Variants in PTPRN2 observed in about 807,000 individuals in gnomAD.
PTPRN2 encodes receptor-type tyrosine-protein phosphatase N2.
In PTPRN2, 74 loss-of-function variants were observed where a neutral mutation model predicts 118.8. The observed-to-expected ratio is 0.62, with a 90% CI of 0.52 to 0.76. The LOEUF is 0.76. Ranked by LOEUF, PTPRN2 falls within the 30% of genes least tolerant of loss-of-function variation. PTPRN2 has a pLI of 0.00. For synonymous variants in PTPRN2, 641 were observed against 608.0 expected (o/e 1.05, Z -0.80); for missense variants, 1,481 against 1,394.4 (o/e 1.06, Z -0.99).
At position 157,893,138 on chromosome 7, in the gene PTPRN2, G is replaced by T. The variant is rs966246237; in HGVS notation, c.1788+5535C>A. 4.6e-5 allele frequency among the ~76,000 whole-genome samples: 7 copies of T among 152,384 alleles called. No individual in the cohort carries two copies. Among genetic ancestry groups the T allele is most frequent in the African/African-American group, 1.4e-4 (6 of 41,594 alleles). ...AGAAATGTCTGGAGAAGGCCAGGAA[G>T]ACAGGCAGGTCAGGGTGAATGAGCT... On this transcript the variant is annotated intron_variant, in intron 12 of 22. Coordinates refer to ENST00000389418, the MANE Select transcript of PTPRN2 (RefSeq NM_002847.5). This position sits in a 1 kb window ranked among gnomAD's most constrained non-coding sequence, Gnocchi z 4.0.
Position 158,546,603 on chromosome 7 carries a change from C to A in PTPRN2, c.112+40955G>T, listed in dbSNP as rs1947181471. Among the ~76,000 whole-genome samples, 1 of 152,166 alleles carries A rather than the reference C, an allele frequency of 6.6e-6. No individual in the cohort carries two copies. Among genetic ancestry groups the A allele is most frequent in the African/African-American group, 2.4e-5 (1 of 41,438 alleles). Reference sequence around the variant, plus strand: ...TCGCCTGTTGCCCTCCCAGGCCACACCTTGACGTGGGAGGCCACGGGACAG... The same window carrying A: ...TCGCCTGTTGCCCTCCCAGGCCACAACTTGACGTGGGAGGCCACGGGACAG... On this transcript the variant is annotated intron_variant, in intron 1 of 22. Coordinates refer to ENST00000389418, the MANE Select transcript of PTPRN2 (RefSeq NM_002847.5). The surrounding 1 kb of genome is among the most constrained non-coding windows in gnomAD (Gnocchi z 5.0).
chr7:157,561,506 G>T (rs760289335), intron 21 of PTPRN2, among the ~76,000 whole-genome samples: 46 of 152,356 alleles, frequency 3.0e-4, no homozygotes, highest in Non-Finnish European at 6.2e-4. Context: ...GGGGCCGTGT[G>T]CCTTCCACCA....
At chr7:157,778,443 A>G (rs1257864992) in intron 12 of PTPRN2, among the ~76,000 whole-genome samples, 1 of 151,986 alleles carries the variant, frequency 6.6e-6, no homozygotes, top group African/African-American at 2.4e-5. Flanking sequence ...CCACGTAAAC[A>G]TGTACACAGG....
rs1036304132 is a variant in PTPRN2, at chr7:158,003,555, G to A, written c.1723+77743C>T. On this transcript the variant is annotated intron_variant, in intron 11 of 22. Transcript: ENST00000389418. The surrounding 1 kb of genome is among the most constrained non-coding windows in gnomAD (Gnocchi z 5.0). ...AGGACGTGGCCACGACGCAGCCACC[G>A]TGAGCCAGGGAATGCGGCCCCAGGA... Among the ~76,000 whole-genome samples, 4 of 152,130 alleles carry A rather than the reference G, an allele frequency of 2.6e-5. No homozygotes were observed. Among genetic ancestry groups the A allele is most frequent in the Non-Finnish European group, 5.9e-5 (4 of 67,996 alleles).
rs185296542 is a variant in PTPRN2 at position 157,609,390 on chromosome 7, A to G, written c.2345-5315T>C. ...AAGAGTGAAACTCTGTCTCAAAAAAATTTTTTTTTAAATATAAAAAAAAAG... is the reference window on the plus strand; with the variant it reads ...AAGAGTGAAACTCTGTCTCAAAAAAGTTTTTTTTTAAATATAAAAAAAAAG... On this transcript the variant is annotated intron_variant, in intron 15 of 22. Transcript: ENST00000389418. This position sits in a 1 kb window ranked among gnomAD's most constrained non-coding sequence, Gnocchi z 4.9. Among the ~76,000 whole-genome samples the G allele has an allele frequency of 2.6e-5, 4 of 151,726 alleles. No individual in the cohort carries two copies. Among genetic ancestry groups the G allele is most frequent in the Non-Finnish European group, 5.9e-5 (4 of 67,944 alleles).
Position 157,615,395 on chromosome 7 carries a change from C to A in PTPRN2, c.2344+5967G>T. Reference sequence around the variant, plus strand: ...GCTCCCTAACCTCCTTCAGCCCCAGCTCTGTCCCTGTGTGAATCTCAGGGC... The same window carrying A: ...GCTCCCTAACCTCCTTCAGCCCCAGATCTGTCCCTGTGTGAATCTCAGGGC... On this transcript the variant is annotated intron_variant, in intron 15 of 22. Transcript: ENST00000389418. This position sits in a 1 kb window ranked among gnomAD's most constrained non-coding sequence, Gnocchi z 4.3. The A allele has an allele frequency of 2.1e-6, 1 of 469,288 alleles. No homozygotes were observed. Among genetic ancestry groups the A allele is most frequent in the Non-Finnish European group, 4.4e-6 (1 of 225,832 alleles). 29.1% of individuals were successfully genotyped at this position (469,288 alleles called of 1,614,324 possible). A position where few individuals can be genotyped will look rare whatever the true frequency, so the allele number is the denominator to read the frequency against.
At chr7:158,495,783 G>T (rs1821799626) in intron 1 of PTPRN2, among the ~76,000 whole-genome samples, 1 of 152,192 alleles carries the variant, frequency 6.6e-6, no homozygotes, top group Admixed American at 6.5e-5. Flanking sequence ...GCCTCTGCCA[G>T]GCTGGGCGTG....
At chr7:157,722,476 G>A (rs1404069641) in intron 12 of PTPRN2, among the ~76,000 whole-genome samples, 3 of 152,208 alleles carry the variant, frequency 2.0e-5, no homozygotes, top group Non-Finnish European at 4.4e-5. Flanking sequence ...AAAGGTGCGT[G>A]GCTCCCGTGG....
intron 12 of PTPRN2, among the ~76,000 whole-genome samples, chr7:157,860,290 G>A (rs1406116242): frequency 6.6e-6 from 1 of 152,194 alleles, no homozygotes; most frequent in African/African-American, 2.4e-5. Context: ...ACCTGAGGGT[G>A]GTGCCCAAGC....
rs1368661375 is a variant in PTPRN2 at position 157,831,412 on chromosome 7, G to A, written c.1788+67261C>T. 2.0e-5 allele frequency among the ~76,000 whole-genome samples: 3 copies of A among 152,182 alleles called. No homozygotes were observed. The highest frequency in any genetic ancestry group is 4.4e-5 in the Non-Finnish European group (3 of 68,036). ...CTTCCCGAAGCATCTTAACTGATGC[G>A]GGTTCTGTGTCCAGGGAAGAGCAGG... On this transcript the variant is annotated intron_variant, in intron 12 of 22. Coordinates refer to ENST00000389418, the MANE Select transcript of PTPRN2 (RefSeq NM_002847.5). The surrounding 1 kb of genome is among the most constrained non-coding windows in gnomAD (Gnocchi z 4.8).
chr7:158,049,638 G>T (rs1006918336), intron 11 of PTPRN2, among the ~76,000 whole-genome samples: 2 of 152,246 alleles, frequency 1.3e-5, no homozygotes, highest in African/African-American at 4.8e-5. Context: ...AGGGGCTCAT[G>T]CCTGTAATCC....
chr7:158,091,535 A>G (rs1814123682), intron 10 of PTPRN2, among the ~76,000 whole-genome samples: 1 of 152,092 alleles, frequency 6.6e-6, no homozygotes, highest in Non-Finnish European at 1.5e-5. Flanking sequence ...TCTATTTGAC[A>G]CCTGGATTTG....
chr7:158,402,682 A>G (rs1813042097), intron 2 of PTPRN2, among the ~76,000 whole-genome samples: 1 of 152,078 alleles, frequency 6.6e-6, no homozygotes, highest in South Asian at 2.1e-4. Flanking sequence ...CAGGGAAGGG[A>G]AGGTCTGGGT....
intron 14 of PTPRN2, among the ~76,000 whole-genome samples, chr7:157,649,682 TG>T: frequency 7.4e-6 from 1 of 134,924 alleles, no homozygotes; most frequent in African/African-American, 2.7e-5. Context: ...CTGAACTCGG[TG>T]GGTCGGACCC....
intron 6 of PTPRN2, among the ~76,000 whole-genome samples, chr7:158,163,318 G>A (rs112984131): frequency 6.0e-5 from 9 of 150,514 alleles, no homozygotes; most frequent in African/African-American, 1.9e-4. Flanking sequence ...ATACCTGCAC[G>A]GGGTTCTCAA....
At chr7:158,242,419 G>C (rs1255495290) in intron 3 of PTPRN2, among the ~76,000 whole-genome samples, 1 of 152,220 alleles carries the variant, frequency 6.6e-6, no homozygotes, top group African/African-American at 2.4e-5. Flanking sequence ...GTGGCCAAGA[G>C]TGAGGGAGGG....
chr7:158,009,863 C>T (rs1053460803), intron 11 of PTPRN2, among the ~76,000 whole-genome samples: 1 of 152,218 alleles, frequency 6.6e-6, no homozygotes, highest in Non-Finnish European at 1.5e-5. Context: ...ACACTTGAAA[C>T]TCTTGGATTT....
chr7:157,651,617 G>T (rs1057338733), intron 14 of PTPRN2, among the ~76,000 whole-genome samples: 2 of 152,168 alleles, frequency 1.3e-5, no homozygotes, highest in Admixed American at 6.5e-5. Context: ...AGCCAGCCAG[G>T]CAGAAATGTC....
rs182581744 is a variant in PTPRN2 at position 158,391,820 on chromosome 7, C to T, written c.164-74888G>A. Among the ~76,000 whole-genome samples the T allele has an allele frequency of 2.6e-5, 4 of 152,330 alleles. No homozygotes were observed. The East Asian group carries it at 7.7e-4, about 29-fold the overall frequency. ...CGGGGGAGGAAAGGAGCTGCACCCC[C>T]AGCCAGACAAGGCCACAAACAGGGC... is the stretch of plus-strand genomic sequence containing the variant. On this transcript the variant is annotated intron_variant, in intron 2 of 22. Coordinates refer to ENST00000389418, the MANE Select transcript of PTPRN2 (RefSeq NM_002847.5).
Sources: allele counts gnomAD v4.1 joint callset (sites outside exome capture counted in the v4.1 genomes callset), GRCh38; gene constraint gnomAD v4.1.1; non-coding constraint Gnocchi (gnomAD v3.1); transcripts MANE v1.5; gene names NCBI Gene and HGNC (gene_info 2026-07-23, HGNC 2026-07-21).